RASEF: variants seen among roughly 807,000 people sequenced by gnomAD.
RASEF encodes the protein ras and EF-hand domain-containing protein.
In RASEF, 68 loss-of-function variants were observed where a neutral mutation model predicts 90.1. The observed-to-expected ratio is 0.75, with a 90% CI of 0.62 to 0.92. RASEF has a LOEUF of 0.92. Among genes scored for constraint, RASEF ranks in the 40% least tolerant of loss-of-function variants. The pLI is 0.00. For missense variants in RASEF, 949 were observed against 937.2 expected, an observed-to-expected ratio of 1.01 and a Z score of -0.16; for synonymous variants, 331 against 345.2, an observed-to-expected ratio of 0.96 and a Z score of 0.46.
chr9:83,119,351 T>C, the RASEF span, among the ~76,000 whole-genome samples: 222 of 152,196 alleles, frequency 1.5e-3, 1 homozygote, highest in African/African-American at 5.2e-3. Context: ...GCTGAAACTT[T>C]ACTAAAAATT....
At chr9:83,054,831 G>T (rs935321344) in intron 1 of RASEF, 2 of 151,406 alleles carry the variant, frequency 1.3e-5, no homozygotes, top group South Asian at 2.1e-4. Context: ...GCCCCTGTTG[G>T]GGGGTGCCTC....
the RASEF span, among the ~76,000 whole-genome samples, chr9:83,185,973 G>C: frequency 6.6e-5 from 10 of 151,792 alleles, no homozygotes; most frequent in South Asian, 1.5e-3. Context: ...TGGGTGGCGG[G>C]GGGGGCAAGG....
the RASEF span, among the ~76,000 whole-genome samples, chr9:83,180,307 T>C: frequency 1.3e-5 from 2 of 152,038 alleles, no homozygotes; most frequent in Non-Finnish European, 2.9e-5. Flanking sequence ...AAGGCAAGTA[T>C]GTCTAAGGAG....
chr9:83,085,727 C>A, the RASEF span, among the ~76,000 whole-genome samples: 1 of 152,050 alleles, frequency 6.6e-6, no homozygotes, highest in African/African-American at 2.4e-5. Flanking sequence ...GAGTTCAAGA[C>A]CAGCCTGACC....
At chr9:82,999,096 A>AC (rs371333716) in intron 12 of RASEF, among the ~76,000 whole-genome samples, 84,324 of 151,836 alleles carry the variant, frequency 0.56, 23,788 homozygotes, top group East Asian at 0.78. Context: ...AAAGACACTC[A>AC]TGTGAAGAGG....
chr9:83,044,820 G>A (rs1405474567), intron 1 of RASEF, among the ~76,000 whole-genome samples: 1 of 152,212 alleles, frequency 6.6e-6, no homozygotes, highest in Non-Finnish European at 1.5e-5. Context: ...CTCTGTACAT[G>A]AGATTAACAC....
At chr9:82,992,487 A>G (rs746066159) in intron 15 of RASEF, among the ~76,000 whole-genome samples, 8 of 152,222 alleles carry the variant, frequency 5.3e-5, no homozygotes, top group Non-Finnish European at 1.0e-4. Context: ...CCTTCCACAC[A>G]GGTGAGACAC....
the RASEF span, among the ~76,000 whole-genome samples, chr9:83,120,199 C>T: frequency 6.6e-6 from 1 of 152,230 alleles, no homozygotes; most frequent in Non-Finnish European, 1.5e-5. Flanking sequence ...AAAACTAAAA[C>T]TGCTTTGGCC....
the RASEF span, among the ~76,000 whole-genome samples, chr9:83,161,583 G>A: frequency 2.6e-5 from 4 of 152,148 alleles, no homozygotes; most frequent in Admixed American, 2.6e-4. Flanking sequence ...GTTGGACTGT[G>A]GACTTTTGAG....
At chr9:83,127,730 G>T in the RASEF span, among the ~76,000 whole-genome samples, 1 of 152,186 alleles carries the variant, frequency 6.6e-6, no homozygotes, top group East Asian at 1.9e-4. Context: ...TCCTTTGTCT[G>T]CTAGGAGCTC....
Position 83,062,733 on chromosome 9 carries a change from G to T in RASEF, c.135C>A (p.Ala45=), listed in dbSNP as rs767112915. The change falls in exon 1 of 17, where the codon GCC becomes GCA. Residue 45 remains alanine, a synonymous_variant. Coordinates refer to ENST00000376447, the MANE Select transcript of RASEF (RefSeq NM_152573.4). ...ALCTELRVRP[A]DAEAVFQRLD... Reference sequence around the variant, plus strand: ...GCCGCTGGAATACTGCCTCGGCGTCGGCCGGCCGCACCCGCAGCTCCGTGC... The same window carrying T: ...GCCGCTGGAATACTGCCTCGGCGTCTGCCGGCCGCACCCGCAGCTCCGTGC... 6.4e-7 allele frequency: 1 copy of T among 1,571,668 alleles called. No homozygotes were observed. Among genetic ancestry groups the T allele is most frequent in the African/African-American group, 1.3e-5 (1 of 74,310 alleles).
At chr9:83,181,887 G>A in the RASEF span, among the ~76,000 whole-genome samples, 3 of 152,120 alleles carry the variant, frequency 2.0e-5, no homozygotes, top group African/African-American at 7.2e-5. Flanking sequence ...ACACACTTTG[G>A]TAAACAAAAT....
chr9:83,012,508 C>A lies in RASEF; in HGVS notation c.769G>T (p.Glu257Ter). ...QVTIKKLRKL[E>*]EQSKRVSQKE... ...TGACTTACGCGTTTTGATTGTTCTTCGAGCTGAAAGACCAAATAAAAGTTG... is the reference window on the plus strand; with the variant it reads ...TGACTTACGCGTTTTGATTGTTCTTAGAGCTGAAAGACCAAATAAAAGTTG... The change falls in exon 5 of 17, where the codon GAA (glutamate) becomes TAA (stop). Residue 257 changes from glutamate to a stop codon, truncating the protein, a stop_gained. Transcript: ENST00000376447. LOFTEE classifies it high-confidence loss of function. 1 of 1,579,718 alleles carries A rather than the reference C, an allele frequency of 6.3e-7. No homozygotes were observed. The highest frequency in any genetic ancestry group is 8.6e-7 in the Non-Finnish European group (1 of 1,161,710).
At chr9:83,140,832 G>A in the RASEF span, among the ~76,000 whole-genome samples, 1 of 152,080 alleles carries the variant, frequency 6.6e-6, no homozygotes, top group African/African-American at 2.4e-5. Flanking sequence ...GATGGAAATA[G>A]AAATAACTGA....
intron 7 of RASEF, among the ~76,000 whole-genome samples, chr9:83,006,935 A>T (rs1829144057): frequency 6.6e-6 from 1 of 152,002 alleles, no homozygotes; most frequent in African/African-American, 2.4e-5. Context: ...CTACTAAAAA[A>T]ATACAAAAAT....
At chr9:82,999,608 C>CTT (rs764485968) in intron 12 of RASEF, among the ~76,000 whole-genome samples, 6 of 144,242 alleles carry the variant, frequency 4.2e-5, no homozygotes, top group Non-Finnish European at 3.1e-5. Context: ...AGATATCTCT[C>CTT]TTTTTTTTTT....
At chr9:83,134,410 GCA>G in the RASEF span, among the ~76,000 whole-genome samples, 8,204 of 138,922 alleles carry the variant, frequency 0.059, 260 homozygotes, top group Non-Finnish European at 0.069. Flanking sequence ...TCACAATAGC[GCA>G]CACACACACA....
chr9:82,995,435 AT>A (rs2118413163), intron 14 of RASEF, among the ~76,000 whole-genome samples: 1 of 152,178 alleles, frequency 6.6e-6, no homozygotes, highest in South Asian at 2.1e-4. Context: ...CTATGCACTA[AT>A]TATACCTTGG....
At chr9:83,099,471 C>T in the RASEF span, among the ~76,000 whole-genome samples, 2 of 152,170 alleles carry the variant, frequency 1.3e-5, no homozygotes, top group Non-Finnish European at 1.5e-5. Flanking sequence ...GTGATCCACC[C>T]TTTAAGGTAA....
Sources: allele counts gnomAD v4.1 joint callset (sites outside exome capture counted in the v4.1 genomes callset), GRCh38; gene constraint gnomAD v4.1.1; transcripts MANE v1.5; gene names NCBI Gene and HGNC (gene_info 2026-07-23, HGNC 2026-07-21).